Variants in LAMA1 observed in about 807,000 individuals in gnomAD.
LAMA1 encodes the protein laminin subunit alpha 1.
Under a neutral mutation model 348.7 loss-of-function variants are expected in LAMA1, and 219 were observed. That is an observed-to-expected ratio of 0.63 (90% CI 0.56 to 0.70). LAMA1 has a LOEUF of 0.70. Ranked by LOEUF, LAMA1 falls within the 30% of genes least tolerant of loss-of-function variation. The pLI, the probability that LAMA1 is intolerant of heterozygous loss-of-function variation, is 0.00. For missense variants in LAMA1, 3,744 were observed against 3,888.0 expected (o/e 0.96, Z 0.99); for synonymous variants, 1,487 against 1,491.0 (o/e 1.00, Z 0.06).
intron 6 of LAMA1, among the ~76,000 whole-genome samples, chr18:7,045,608 G>C (rs191305934): frequency 2.4e-4 from 37 of 152,042 alleles, no homozygotes; most frequent in Admixed American, 7.2e-4. Context: ...ACCCAGGCTG[G>C]AGTGCAGCAG....
Position 6,995,343 on chromosome 18 carries a change from T to C in LAMA1, c.4896+14A>G, listed in dbSNP as rs766459095. The C allele has an allele frequency of 3.1e-6, 5 of 1,592,842 alleles. No homozygotes were observed. Among genetic ancestry groups the C allele is most frequent in the Middle Eastern group, 1.7e-4 (1 of 6,018 alleles). ...GACCAGGAGGAAGGTTGGTTGGTTA[T>C]GGAAAGAATTTACCTTCTTTTGCAG... is the stretch of plus-strand genomic sequence containing the variant. On this transcript the variant is annotated intron_variant, in intron 34 of 62. Coordinates refer to ENST00000389658, the MANE Select transcript of LAMA1 (RefSeq NM_005559.4).
rs11420876 is a variant in LAMA1, at chr18:7,017,460, G to GAA, written c.2702-78_2702-77dup. The GAA allele has an allele frequency of 1.9e-3, 1,572 of 830,638 alleles. 3 individuals carry two copies. Among genetic ancestry groups the GAA allele is most frequent in the South Asian group, 2.5e-3 (156 of 63,386 alleles). 51.5% of individuals were successfully genotyped at this position (830,638 alleles called of 1,614,324 possible). On this transcript the variant is annotated intron_variant, in intron 19 of 62. Transcript: ENST00000389658. ...ATCATAAGATCCGTCATCCCCAAAG[G>GAA]AAAAAAAAAATGTAAACTTTCAATG...
chr18:7,080,459 T>TTTCAATTTTG lies in LAMA1; in HGVS notation c.62-3_62-2insCAAAATTGAA. On this transcript the variant is annotated splice_polypyrimidine_tract_variant and splice_region_variant and intron_variant, in intron 1 of 62. Coordinates refer to ENST00000389658, the MANE Select transcript of LAMA1 (RefSeq NM_005559.4). ...GATTGAGAATGGCAGGAAACAGGCC[T>TTTCAATTTTG]GAAAGTGAAAATTTACCAAATCAGC... 1 of 1,614,116 alleles carries TTTCAATTTTG rather than the reference T, an allele frequency of 6.2e-7. No individual in the cohort carries two copies. Among genetic ancestry groups the TTTCAATTTTG allele is most frequent in the South Asian group, 1.1e-5 (1 of 91,064 alleles).
At chr18:7,005,102 C>G (rs896314558) in intron 29 of LAMA1, among the ~76,000 whole-genome samples, 36 of 152,302 alleles carry the variant, frequency 2.4e-4, no homozygotes, top group African/African-American at 7.5e-4. Context: ...GGCTGGTGAA[C>G]GGACCCACGA....
chr18:6,972,279 T>C (rs2057661890), intron 47 of LAMA1: 2 of 388,136 alleles, frequency 5.2e-6, no homozygotes, highest in South Asian at 2.2e-5. Flanking sequence ...TGATTGGTAG[T>C]GAGGGCCCAG....
intron 29 of LAMA1, 138 bp from the exon 30 acceptor site, chr18:7,002,523 C>T (rs2057812500): frequency 2.1e-6 from 2 of 951,028 alleles, no homozygotes; most frequent in African/African-American, 1.6e-5. Flanking sequence ...GGAGCATTTT[C>T]CTCCATATTC....
intron 48 of LAMA1, among the ~76,000 whole-genome samples, chr18:6,971,613 T>G (rs614441): frequency 6.6e-6 from 1 of 152,008 alleles, no homozygotes; most frequent in Non-Finnish European, 1.5e-5. Context: ...CTACATTATA[T>G]CATCTGACAA....
rs753901111 is a variant in LAMA1, at chr18:7,008,484, G to A, written c.4122+4C>T. ...GAAATAGATTTCGACTAGAGTCTCC[G>A]TACCTGACATGAGAATCCCACAGTG... On this transcript the variant is annotated splice_donor_region_variant and intron_variant, in intron 28 of 62. Coordinates refer to ENST00000389658, the MANE Select transcript of LAMA1 (RefSeq NM_005559.4). 1.4e-5 allele frequency: 22 copies of A among 1,613,862 alleles called. No individual in the cohort carries two copies. Among genetic ancestry groups the A allele is most frequent in the Admixed American group, 3.3e-5 (2 of 60,010 alleles).
chr18:7,007,351 A>G lies in LAMA1; in HGVS notation c.4123-75T>C, dbSNP rs2057837107. ...GAAGGACTTGAATAGACACTTCTCC[A>G]AAGGAGACATACAAATGGCCAACAG... On this transcript the variant is annotated intron_variant, in intron 28 of 62. Transcript: ENST00000389658. 42 of 1,446,556 alleles carry G rather than the reference A, an allele frequency of 2.9e-5. 2 individuals are homozygous for G. In the South Asian group the frequency reaches 5.4e-4, roughly 19 times the overall value. 89.6% of individuals were successfully genotyped at this position (1,446,556 alleles called of 1,614,324 possible).
At chr18:7,107,687 TA>T (rs2058317969) in intron 1 of LAMA1, among the ~76,000 whole-genome samples, 1 of 152,190 alleles carries the variant, frequency 6.6e-6, no homozygotes, top group Non-Finnish European at 1.5e-5. Context: ...ACAATACTCC[TA>T]TAAGGAAATA....
intron 29 of LAMA1, among the ~76,000 whole-genome samples, chr18:7,003,395 T>C (rs549224262): frequency 4.6e-4 from 70 of 152,000 alleles, no homozygotes; most frequent in African/African-American, 1.6e-3. Flanking sequence ...GGACTACAGG[T>C]GCCCACCACC....
At chr18:6,981,462 A>G (rs1425189057) in intron 41 of LAMA1, among the ~76,000 whole-genome samples, 1 of 152,168 alleles carries the variant, frequency 6.6e-6, no homozygotes, top group East Asian at 1.9e-4. Context: ...AAGTTTGATC[A>G]CAGCTTTTAC....
At chr18:7,034,131 G>T (rs1215138659) in intron 14 of LAMA1, among the ~76,000 whole-genome samples, 1 of 152,188 alleles carries the variant, frequency 6.6e-6, no homozygotes, top group African/African-American at 2.4e-5. Flanking sequence ...TCACTTAAAT[G>T]GACTGAGTAA....
chr18:7,016,666 G>C lies in LAMA1; in HGVS notation c.2814C>G (p.Gly938=), dbSNP rs77574121. 1 of 1,612,184 alleles carries C rather than the reference G, an allele frequency of 6.2e-7. No individual in the cohort carries two copies. The highest frequency in any genetic ancestry group is 2.2e-5 in the East Asian group (1 of 44,864). The change falls in exon 21 of 63, where the codon GGC becomes GGG. Residue 938 remains glycine, a synonymous_variant. Coordinates refer to ENST00000389658, the MANE Select transcript of LAMA1 (RefSeq NM_005559.4). Reference sequence around the variant, plus strand: ...CATGGCCTGAGTCCAGCCCATAATAGCCATGCTGTTTCACCAAAGGGGGAG... The same window carrying C: ...CATGGCCTGAGTCCAGCCCATAATACCCATGCTGTTTCACCAAAGGGGGAG... The part of the protein sequence containing the change: ...TGQQCDQCLH[G]YYGLDSGHGC...
At chr18:6,981,868 T>C (rs1401755807) in intron 41 of LAMA1, among the ~76,000 whole-genome samples, 2 of 152,196 alleles carry the variant, frequency 1.3e-5, no homozygotes, top group East Asian at 3.9e-4. Flanking sequence ...CATTATTTGT[T>C]ATAAAAAATT....
chr18:7,068,898 AT>A (rs1490523801), intron 3 of LAMA1, among the ~76,000 whole-genome samples: 62 of 151,412 alleles, frequency 4.1e-4, no homozygotes, highest in African/African-American at 1.5e-3. Flanking sequence ...CTTCAATATA[AT>A]GGAAGAAATA....
intron 19 of LAMA1, among the ~76,000 whole-genome samples, chr18:7,019,340 C>T (rs1432263236): frequency 6.6e-6 from 1 of 152,132 alleles, no homozygotes; most frequent in African/African-American, 2.4e-5. Flanking sequence ...GCCCACTCTC[C>T]TGCCCTCCCT....
In LAMA1 at chr18:6,961,491, G is replaced by A. The variant is rs1404505557; in HGVS notation, c.7626+95C>T. ...ACATCCATAAACAACCAGGAACACG[G>A]TGACAATAAATGTTTATGAGTCAGT... On this transcript the variant is annotated intron_variant, in intron 53 of 62. Coordinates refer to ENST00000389658, the MANE Select transcript of LAMA1 (RefSeq NM_005559.4). The A allele has an allele frequency of 1.2e-5, 17 of 1,436,648 alleles. 1 individual carries two copies. The highest frequency in any genetic ancestry group is 4.8e-4 in the Middle Eastern group (2 of 4,138). The allele number at this position is 1,436,648 out of a possible 1,614,324, so 89.0% of individuals were successfully genotyped here.
At chr18:7,038,663 C>A (rs1212576221) in intron 11 of LAMA1, 147 bp downstream of exon 11, 2 of 1,055,494 alleles carry the variant, frequency 1.9e-6, no homozygotes, top group Non-Finnish European at 2.9e-6. Flanking sequence ...AGGCAGACGG[C>A]TGCCTTTGAC....
Sources: allele counts gnomAD v4.1 joint callset (sites outside exome capture counted in the v4.1 genomes callset), GRCh38; gene constraint gnomAD v4.1.1; transcripts MANE v1.5; gene names NCBI Gene and HGNC (gene_info 2026-07-23, HGNC 2026-07-21).